ARMC2: variants seen among roughly 807,000 people sequenced by gnomAD.
The protein encoded by ARMC2 is armadillo repeat-containing protein 2.
A neutral mutation model predicts 90.3 loss-of-function variants in ARMC2; 67 were observed. The observed-to-expected ratio is 0.74, with a 90% CI of 0.61 to 0.91. The LOEUF (loss-of-function observed/expected upper bound fraction) is 0.91, where lower values mean the gene tolerates loss of function less well. ARMC2 is among the 40% of genes least tolerant of loss of function. ARMC2 has a pLI of 0.00. For missense variants in ARMC2, 920 were observed against 1,030.9 expected, an observed-to-expected ratio of 0.89 and a Z score of 1.47; for synonymous variants, 393 against 393.0, an observed-to-expected ratio of 1.00 and a Z score of 0.00.
chr6:109,000,659 A>C, the ARMC2 span: 2 of 1,594,950 alleles, frequency 1.3e-6, no homozygotes, highest in African/African-American at 2.7e-5. Flanking sequence ...AGGAGCACTG[A>C]TGTCTTGCCG....
At chr6:108,968,035 GTAT>G (rs1321667231) in intron 17 of ARMC2, among the ~76,000 whole-genome samples, 1 of 152,100 alleles carries the variant, frequency 6.6e-6, no homozygotes, top group Admixed American at 6.6e-5. Flanking sequence ...TAATTATCCT[GTAT>G]TATTATTTTG....
At chr6:108,950,516 C>T (rs1225819852) in intron 12 of ARMC2, among the ~76,000 whole-genome samples, 3 of 152,078 alleles carry the variant, frequency 2.0e-5, no homozygotes, top group Non-Finnish European at 4.4e-5. Context: ...AGCAAACTAA[C>T]GCAAGAACAG....
At chr6:108,863,528 C>G (rs1775499129) in intron 3 of ARMC2, among the ~76,000 whole-genome samples, 1 of 152,208 alleles carries the variant, frequency 6.6e-6, no homozygotes, top group Non-Finnish European at 1.5e-5. Context: ...CATTTTTCTT[C>G]TACTCTAGTT....
At chr6:108,951,680 C>T (rs1420067624) in intron 12 of ARMC2, among the ~76,000 whole-genome samples, 1 of 152,246 alleles carries the variant, frequency 6.6e-6, no homozygotes, top group Non-Finnish European at 1.5e-5. Flanking sequence ...CCAATCCTCC[C>T]CAGTTTCCTG....
the ARMC2 span, among the ~76,000 whole-genome samples, chr6:108,981,110 T>C: frequency 2.4e-4 from 37 of 152,270 alleles, no homozygotes; most frequent in African/African-American, 8.9e-4. Flanking sequence ...TTCACAGATA[T>C]AATGTATTTC....
the ARMC2 span, among the ~76,000 whole-genome samples, chr6:109,040,735 C>T: frequency 6.6e-6 from 1 of 151,460 alleles, no homozygotes; most frequent in Non-Finnish European, 1.5e-5. Flanking sequence ...TCACTGCAAG[C>T]TCTGCCTCCT....
At chr6:109,048,406 A>G in the ARMC2 span, among the ~76,000 whole-genome samples, 1 of 152,224 alleles carries the variant, frequency 6.6e-6, no homozygotes, top group Non-Finnish European at 1.5e-5. Context: ...AAAGTAGTGA[A>G]AGTATTTTTA....
chr6:108,901,309 G>T (rs1011371501), intron 7 of ARMC2, among the ~76,000 whole-genome samples: 7 of 151,442 alleles, frequency 4.6e-5, no homozygotes, highest in East Asian at 1.9e-4. Context: ...AGAGACAGGG[G>T]TTTCACCATA....
At chr6:109,013,759 T>A in the ARMC2 span, among the ~76,000 whole-genome samples, 1 of 152,198 alleles carries the variant, frequency 6.6e-6, no homozygotes, top group Non-Finnish European at 1.5e-5. Context: ...TACATTTATG[T>A]GGTTTAAGCA....
chr6:109,011,791 G>C, the ARMC2 span, among the ~76,000 whole-genome samples: 1 of 151,796 alleles, frequency 6.6e-6, no homozygotes, highest in Non-Finnish European at 1.5e-5. Flanking sequence ...ACCACACCCG[G>C]CTACTTTTTA....
intron 12 of ARMC2, among the ~76,000 whole-genome samples, chr6:108,951,530 C>T (rs889467716): frequency 1.3e-5 from 2 of 152,196 alleles, no homozygotes; most frequent in African/African-American, 2.4e-5. Flanking sequence ...AAATGGTTTC[C>T]GGTTGTGCAA....
chr6:108,869,416 G>A, intron 4 of ARMC2, among the ~76,000 whole-genome samples: 1 of 152,176 alleles, frequency 6.6e-6, no homozygotes, highest in Non-Finnish European at 1.5e-5. Context: ...GCTGAGGCAG[G>A]AGAAGTGCTT....
At chr6:108,971,218 C>T (rs190244065) in intron 17 of ARMC2, among the ~76,000 whole-genome samples, 18 of 152,162 alleles carry the variant, frequency 1.2e-4, no homozygotes, top group Admixed American at 5.2e-4. Flanking sequence ...CTCGAAAAAA[C>T]GGAATGAAAT....
chr6:109,032,454 T>C, the ARMC2 span, among the ~76,000 whole-genome samples: 1 of 150,932 alleles, frequency 6.6e-6, no homozygotes, highest in East Asian at 2.0e-4. Context: ...CTGTCTCTAC[T>C]AAAAATACAA....
chr6:108,961,452 C>G, intron 13 of ARMC2, 120 bp from the exon 14 acceptor site: 1 of 1,143,308 alleles, frequency 8.7e-7, no homozygotes, highest in South Asian at 1.7e-5. Context: ...TCTCCAGGGC[C>G]TTTGTAGGGA....
intron 8 of ARMC2, among the ~76,000 whole-genome samples, chr6:108,906,542 C>T (rs1020321121): frequency 1.3e-5 from 2 of 151,734 alleles, no homozygotes; most frequent in East Asian, 1.9e-4. Context: ...AGTACAGTGG[C>T]GAGATCACAG....
chr6:108,860,012 A>AG (rs943603421), intron 3 of ARMC2, among the ~76,000 whole-genome samples: 3 of 152,054 alleles, frequency 2.0e-5, no homozygotes, highest in Non-Finnish European at 2.9e-5. Flanking sequence ...CTTAAAAAAA[A>AG]AAAAAAAAAA....
chr6:108,950,532 C>T lies in ARMC2; in HGVS notation c.1597-2501C>T, dbSNP rs183850238. On this transcript the variant is annotated intron_variant, in intron 12 of 17. Transcript: ENST00000392644. ...GCAAACTAACGCAAGAACAGAAAAC[C>T]AAATACCACAAGTTCTCACTTATAA... 5.7e-4 allele frequency among the ~76,000 whole-genome samples: 87 copies of T among 152,270 alleles called. 1 individual carries two copies. In the East Asian group the frequency reaches 0.015, roughly 26 times the overall value.
At chr6:108,908,833 G>C (rs1335896311) in intron 8 of ARMC2, among the ~76,000 whole-genome samples, 1 of 152,152 alleles carries the variant, frequency 6.6e-6, no homozygotes, top group African/African-American at 2.4e-5. Flanking sequence ...ACTTTGGGAG[G>C]CCAAGGTGGG....
Sources: gnomAD v4.1 joint callset for allele counts (sites outside exome capture counted in the v4.1 genomes callset) on GRCh38, gnomAD v4.1.1 for gene constraint, MANE v1.5 for transcripts, NCBI Gene and HGNC (gene_info 2026-07-23, HGNC 2026-07-21) for gene names.